ATG7: variants seen among roughly 807,000 people sequenced by gnomAD.
ATG7 encodes the protein ubiquitin-like modifier-activating enzyme ATG7.
In ATG7, 70 loss-of-function variants were observed where a neutral mutation model predicts 82.4. The ratio of observed to expected loss-of-function variants is 0.85; its 90% confidence interval spans 0.70 to 1.04. ATG7 has a LOEUF of 1.04. Ranked by LOEUF, ATG7 falls within the 50% of genes least tolerant of loss-of-function variation. The probability of loss-of-function intolerance (pLI) is 0.00; values close to 1 mark genes in which losing one functional copy is unlikely to be tolerated. For missense variants in ATG7, 792 were observed against 864.3 expected (o/e 0.92, Z 1.05); for synonymous variants, 287 against 313.0 (o/e 0.92, Z 0.88).
chr3:11,306,735 G>C (rs1398548147), intron 5 of ATG7, among the ~76,000 whole-genome samples: 1 of 152,204 alleles, frequency 6.6e-6, no homozygotes, highest in Non-Finnish European at 1.5e-5. Flanking sequence ...TTAGAGTATA[G>C]GGAATATATA....
At chr3:11,337,463 T>C (rs974068479) in intron 11 of ATG7, among the ~76,000 whole-genome samples, 2 of 149,718 alleles carry the variant, frequency 1.3e-5, no homozygotes, top group African/African-American at 5.0e-5. Context: ...TCTCTCTGTC[T>C]TTCTAGCTCT....
chr3:11,558,590 A>C (rs748002932), downstream of ATG7: 6 of 1,604,340 alleles, frequency 3.7e-6, no homozygotes, highest in South Asian at 6.6e-5. Flanking sequence ...ACTGTGGCTG[A>C]CCATGTGGGC....
intron 20 of ATG7, among the ~76,000 whole-genome samples, chr3:11,459,200 A>G (rs911628666): frequency 3.3e-5 from 5 of 151,630 alleles, no homozygotes; most frequent in African/African-American, 1.2e-4. Context: ...CAGCAAAAAC[A>G]TCAGTCATTA....
intron 9 of ATG7, among the ~76,000 whole-genome samples, chr3:11,320,203 C>T (rs985472973): frequency 6.6e-6 from 1 of 152,104 alleles, no homozygotes; most frequent in Admixed American, 6.6e-5. Flanking sequence ...GTTAAGTGCT[C>T]ACTCTTTCAA....
At chr3:11,504,922 TAAGGGGGCTCACAGCAGTGA>T (rs2091603631) in intron 20 of ATG7, among the ~76,000 whole-genome samples, 1 of 151,864 alleles carries the variant, frequency 6.6e-6, no homozygotes, top group African/African-American at 2.4e-5. Flanking sequence ...ATGACAGGGG[TAAGGGGGCTCACAGCAGTGA>T]AAGAGCCAAA....
rs2152900115 is a variant in ATG7, at chr3:11,403,632, T to C, written c.1957-23172T>C. Reference sequence around the variant, plus strand: ...TTTAAATGTTATTGATAATCAATTATTAAGTAGGTGAAGCAGTCTGGTTCC... The same window carrying C: ...TTTAAATGTTATTGATAATCAATTACTAAGTAGGTGAAGCAGTCTGGTTCC... On this transcript the variant is annotated intron_variant, in intron 19 of 20. Transcript: ENST00000693202. 2.0e-5 allele frequency among the ~76,000 whole-genome samples: 3 copies of C among 152,358 alleles called. No individual in the cohort carries two copies. The Middle Eastern group carries it at 0.01, about 518-fold the overall frequency.
chr3:11,388,289 C>A (rs1313713756), intron 19 of ATG7, among the ~76,000 whole-genome samples: 3 of 152,042 alleles, frequency 2.0e-5, no homozygotes, highest in Non-Finnish European at 4.4e-5. Flanking sequence ...TTTCTTTAGG[C>A]CCAGCTGTAT....
intron 20 of ATG7, among the ~76,000 whole-genome samples, chr3:11,489,852 T>C (rs1258245396): frequency 6.6e-6 from 1 of 152,204 alleles, no homozygotes. Context: ...CAGTTTGTTA[T>C]AATTTCTGAT....
intron 20 of ATG7, among the ~76,000 whole-genome samples, chr3:11,532,229 C>T (rs939922394): frequency 2.6e-5 from 4 of 152,180 alleles, no homozygotes; most frequent in Non-Finnish European, 5.9e-5. Flanking sequence ...TGATGCAATG[C>T]ACCACATGAG....
chr3:11,472,907 G>C (rs950207201), intron 20 of ATG7, among the ~76,000 whole-genome samples: 1 of 152,206 alleles, frequency 6.6e-6, no homozygotes, highest in Non-Finnish European at 1.5e-5. Context: ...AAAATTCCCA[G>C]TGGTTTTGAG....
intron 3 of ATG7, among the ~76,000 whole-genome samples, chr3:11,285,169 G>GC (rs1413847548): frequency 7.6e-6 from 1 of 131,750 alleles, no homozygotes; most frequent in Non-Finnish European, 1.6e-5. Flanking sequence ...TAAAAGCCCG[G>GC]CCTTTTTTTT....
chr3:11,446,566 A>G, intron 20 of ATG7: 1 of 423,898 alleles, frequency 2.4e-6, no homozygotes, highest in Non-Finnish European at 4.6e-6. Flanking sequence ...ATCCAATGAC[A>G]GTGTTAAAAT....
chr3:11,518,595 A>G (rs945750071), intron 20 of ATG7, among the ~76,000 whole-genome samples: 3 of 151,942 alleles, frequency 2.0e-5, no homozygotes, highest in Non-Finnish European at 4.4e-5. Flanking sequence ...CTTAGTGCAG[A>G]TCACTCTTTG....
At chr3:11,373,017 T>G (rs2077143407) in intron 18 of ATG7, among the ~76,000 whole-genome samples, 1 of 151,286 alleles carries the variant, frequency 6.6e-6, no homozygotes, top group African/African-American at 2.4e-5. Flanking sequence ...GTTATTGTTT[T>G]GTTTGTTTTG....
At chr3:11,515,308 A>ATGTGTGTG (rs2092240429) in intron 20 of ATG7, among the ~76,000 whole-genome samples, 4 of 150,254 alleles carry the variant, frequency 2.7e-5, no homozygotes, top group African/African-American at 2.5e-5. Context: ...GTGTGTGTGT[A>ATGTGTGTG]TGTATGTATT....
intron 9 of ATG7, among the ~76,000 whole-genome samples, chr3:11,324,489 T>G (rs1405022941): frequency 6.6e-6 from 1 of 152,182 alleles, no homozygotes; most frequent in Admixed American, 6.5e-5. Flanking sequence ...ATGCCTCATA[T>G]GGGTAGGAAA....
intron 9 of ATG7, among the ~76,000 whole-genome samples, chr3:11,320,037 A>G (rs900919968): frequency 1.3e-5 from 2 of 152,180 alleles, no homozygotes; most frequent in Admixed American, 6.5e-5. Flanking sequence ...AATACGGCCT[A>G]CAAGAGTCTG....
At chr3:11,419,652 G>A (rs1371172999) in intron 19 of ATG7, among the ~76,000 whole-genome samples, 3 of 152,142 alleles carry the variant, frequency 2.0e-5, no homozygotes, top group African/African-American at 7.2e-5. Flanking sequence ...CTCTGTGAAA[G>A]GCATTTTCCA....
intron 20 of ATG7, among the ~76,000 whole-genome samples, chr3:11,432,609 A>G (rs2083000063): frequency 6.6e-6 from 1 of 152,122 alleles, no homozygotes; most frequent in Non-Finnish European, 1.5e-5. Context: ...GAACTTATCT[A>G]CATAACCAAA....
Sources: gnomAD v4.1 joint callset for allele counts (sites outside exome capture counted in the v4.1 genomes callset) on GRCh38, gnomAD v4.1.1 for gene constraint, MANE v1.5 for transcripts, NCBI Gene and HGNC (gene_info 2026-07-23, HGNC 2026-07-21) for gene names.